The following UBE2H variants were observed in gnomAD, a reference collection of about 807,000 sequenced individuals.
The protein encoded by UBE2H is ubiquitin-conjugating enzyme E2 H.
In UBE2H, 3 loss-of-function variants were observed where a neutral mutation model predicts 29.0. The observed-to-expected ratio is 0.10, with a 90% CI of 0.05 to 0.27. The LOEUF is 0.27. Among genes scored for constraint, UBE2H ranks in the 10% least tolerant of loss-of-function variants. The pLI, the probability that UBE2H is intolerant of heterozygous loss-of-function variation, is 1.00. For synonymous variants in UBE2H, 69 were observed against 82.9 expected (o/e 0.83, Z 0.91); for missense variants, 68 against 228.2 (o/e 0.30, Z 4.52).
At position 129,879,629 on chromosome 7, in the gene UBE2H, G is replaced by A. The variant is rs756244118; in HGVS notation, c.144C>T (p.Gly48=). 2.5e-6 allele frequency: 4 copies of A among 1,612,502 alleles called. No homozygotes were observed. Among genetic ancestry groups the A allele is most frequent in the African/African-American group, 2.7e-5 (2 of 74,814 alleles). Residue 48 remains glycine (G), a synonymous_variant, in exon 3 of 7, where the codon GGC becomes GGT. Coordinates refer to ENST00000355621, the MANE Select transcript of UBE2H (RefSeq NM_003344.4). The part of the protein sequence containing the change: ...FYGPQGTPYE[G]GVWKVRVDLP... Reference sequence around the variant, plus strand: ...GGTCCACTCTAACTTTCCATACTCCGCCTTCATATGGTGCTGAAATAAAAG... The same window carrying A: ...GGTCCACTCTAACTTTCCATACTCCACCTTCATATGGTGCTGAAATAAAAG...
chr7:129,941,233 G>A (rs892598942), intron 1 of UBE2H, among the ~76,000 whole-genome samples: 1 of 152,070 alleles, frequency 6.6e-6, no homozygotes, highest in African/African-American at 2.4e-5. Flanking sequence ...AGTAGAGACA[G>A]GGTTTCACCA....
At chr7:129,897,796 A>T (rs932815412) in intron 1 of UBE2H, among the ~76,000 whole-genome samples, 1 of 152,198 alleles carries the variant, frequency 6.6e-6, no homozygotes, top group African/African-American at 2.4e-5. Flanking sequence ...AACAGTGTTT[A>T]AAAAAATCAA....
intron 1 of UBE2H, among the ~76,000 whole-genome samples, chr7:129,911,398 GAAC>G (rs1806934269): frequency 6.6e-6 from 1 of 150,958 alleles, no homozygotes; most frequent in South Asian, 2.1e-4. Flanking sequence ...AATGAGGACA[GAAC>G]AAACAGGATG....
intron 1 of UBE2H, among the ~76,000 whole-genome samples, chr7:129,887,672 C>G (rs1584766440): frequency 7.2e-6 from 1 of 139,808 alleles, no homozygotes; most frequent in Non-Finnish European, 1.7e-5. Flanking sequence ...GGTGAGGTGG[C>G]TCACACCTCC....
At chr7:129,887,605 T>C (rs1399467983) in intron 1 of UBE2H, among the ~76,000 whole-genome samples, 2 of 152,124 alleles carry the variant, frequency 1.3e-5, no homozygotes, top group Non-Finnish European at 2.9e-5. Flanking sequence ...GTGCGACAGT[T>C]TGAAGAAGAC....
rs1805239151 is a variant in UBE2H, at chr7:129,832,106, T to TA, written c.*2830dup. ...TGGTGAAACACCGCTGCTCCAGACTTACGCTACCATCTATTGTTGGGGGCC... is the reference window on the plus strand; with the variant it reads ...TGGTGAAACACCGCTGCTCCAGACTTAACGCTACCATCTATTGTTGGGGGCC... On this transcript the variant is annotated 3_prime_UTR_variant, in exon 7 of 7. Coordinates refer to ENST00000355621, the MANE Select transcript of UBE2H (RefSeq NM_003344.4). 2 of 152,254 alleles carry TA rather than the reference T, an allele frequency of 1.3e-5. No individual in the cohort carries two copies. Among genetic ancestry groups the TA allele is most frequent in the African/African-American group, 4.8e-5 (2 of 41,440 alleles). The allele number at this position is 152,254 out of a possible 1,614,324, so 9.4% of individuals were successfully genotyped here.
chr7:129,944,160 T>C (rs1244361561), intron 1 of UBE2H, among the ~76,000 whole-genome samples: 1 of 150,844 alleles, frequency 6.6e-6, no homozygotes, highest in Admixed American at 6.6e-5. Flanking sequence ...ATCAAGACCA[T>C]CCTCGCTAAC....
At chr7:129,881,605 A>G (rs1171929495) in intron 1 of UBE2H, among the ~76,000 whole-genome samples, 3 of 148,082 alleles carry the variant, frequency 2.0e-5, no homozygotes, top group Non-Finnish European at 4.5e-5. Flanking sequence ...CCGAGATCAC[A>G]TCACTGCACT....
chr7:129,901,611 ACTTT>A (rs1806718557), intron 1 of UBE2H, among the ~76,000 whole-genome samples: 1 of 151,964 alleles, frequency 6.6e-6, no homozygotes, highest in Non-Finnish European at 1.5e-5. Flanking sequence ...AGATGATGAC[ACTTT>A]CTTTTTTTGA....
chr7:129,906,720 G>A (rs143788975), intron 1 of UBE2H, among the ~76,000 whole-genome samples: 144 of 152,178 alleles, frequency 9.5e-4, no homozygotes, highest in African/African-American at 3.1e-3. Context: ...TCAGAATACC[G>A]TAACATGGCT....
At chr7:129,908,760 A>T (rs1806871066) in intron 1 of UBE2H, among the ~76,000 whole-genome samples, 1 of 152,202 alleles carries the variant, frequency 6.6e-6, no homozygotes, top group Admixed American at 6.5e-5. Context: ...TCCACTTTCC[A>T]AGGGCCAATC....
chr7:129,902,798 T>C lies in UBE2H; in HGVS notation c.54-21827A>G, dbSNP rs1011580702. 6.6e-5 allele frequency among the ~76,000 whole-genome samples: 10 copies of C among 152,260 alleles called. No individual in the cohort carries two copies. In the East Asian group the frequency reaches 1.9e-3, roughly 29 times the overall value. ...TGCCTCCCCCCACCATTTACAAAAGTGGGGATAAGCATATTTACCCTACGG... is the reference window on the plus strand; with the variant it reads ...TGCCTCCCCCCACCATTTACAAAAGCGGGGATAAGCATATTTACCCTACGG... On this transcript the variant is annotated intron_variant, in intron 1 of 6. Coordinates refer to ENST00000355621, the MANE Select transcript of UBE2H (RefSeq NM_003344.4).
intron 1 of UBE2H, among the ~76,000 whole-genome samples, chr7:129,883,708 G>A (rs1000573648): frequency 6.6e-6 from 1 of 152,198 alleles, no homozygotes; most frequent in Non-Finnish European, 1.5e-5. Flanking sequence ...TGGGCGTGGT[G>A]GCGGGTGCCT....
chr7:129,879,520 C>G, intron 3 of UBE2H, 48 bp downstream of exon 3: 1 of 1,537,440 alleles, frequency 6.5e-7, no homozygotes, highest in South Asian at 1.2e-5. Flanking sequence ...GATTTTTCCC[C>G]CTTAGATTTC....
At chr7:129,894,588 A>G (rs1477425053) in intron 1 of UBE2H, among the ~76,000 whole-genome samples, 3 of 149,972 alleles carry the variant, frequency 2.0e-5, no homozygotes, top group Non-Finnish European at 2.9e-5. Flanking sequence ...CCCGGGTTCA[A>G]GTGATTCTCC....
chr7:129,948,893 C>T (rs754762580), intron 1 of UBE2H: 17 of 369,516 alleles, frequency 4.6e-5, no homozygotes, highest in Non-Finnish European at 7.9e-5. Context: ...GTTCCTGTAA[C>T]ACCACTCAGA....
intron 5 of UBE2H, among the ~76,000 whole-genome samples, chr7:129,848,569 C>T (rs1170171763): frequency 6.6e-6 from 1 of 152,190 alleles, no homozygotes; most frequent in Non-Finnish European, 1.5e-5. Flanking sequence ...TCTCTTTCCC[C>T]TGAACTTTTG....
At chr7:129,952,444 C>G (rs372278572) in intron 1 of UBE2H, 59 bp downstream of exon 1, 20 of 1,592,938 alleles carry the variant, frequency 1.3e-5, no homozygotes, top group Non-Finnish European at 1.6e-5. Context: ...CCGGGGGTGC[C>G]CTGGGCATCC....
intron 3 of UBE2H, among the ~76,000 whole-genome samples, chr7:129,867,699 TA>T (rs59742626): frequency 0.048 from 1,419 of 29,552 alleles, 22 homozygotes; most frequent in African/African-American, 0.058. Flanking sequence ...TAGAGTATAA[TA>T]AAAAAAAAAA....
Sources: allele counts gnomAD v4.1 joint callset (sites outside exome capture counted in the v4.1 genomes callset), GRCh38; gene constraint gnomAD v4.1.1; transcripts MANE v1.5; gene names NCBI Gene and HGNC (gene_info 2026-07-23, HGNC 2026-07-21).